KIRREL3: variants seen among roughly 807,000 people sequenced by gnomAD.
KIRREL3 encodes the protein kin of IRRE-like protein 3.
In KIRREL3, 36 loss-of-function variants were observed where a neutral mutation model predicts 89.7. The ratio of observed to expected loss-of-function variants is 0.40; its 90% CI spans 0.31 to 0.53. The LOEUF (loss-of-function observed/expected upper bound fraction) is 0.53. Among genes scored for constraint, KIRREL3 ranks in the 20% least tolerant of loss-of-function variants. The probability of loss-of-function intolerance (pLI) is 0.49; values close to 1 mark genes in which losing one functional copy is unlikely to be tolerated. For missense variants in KIRREL3, 864 were observed against 1,056.6 expected, an observed-to-expected ratio of 0.82 and a Z score of 2.53; for synonymous variants, 445 against 441.4, an observed-to-expected ratio of 1.01 and a Z score of -0.10.
chr11:126,563,057 G>A lies in KIRREL3; in HGVS notation c.56-145C>T, dbSNP rs1200502723. The A allele has an allele frequency of 9.2e-6, 5 of 544,210 alleles. No individual in the cohort carries two copies. Among genetic ancestry groups the A allele is most frequent in the African/African-American group, 1.9e-5 (1 of 52,466 alleles). The allele number at this position is 544,210 out of a possible 1,614,324, so 33.7% of individuals were successfully genotyped here. ...CCAACATTTATATGGAAATTGTTATGTTCCAGGCATAAGTTTAAGCCAGCA... is the reference window on the plus strand; with the variant it reads ...CCAACATTTATATGGAAATTGTTATATTCCAGGCATAAGTTTAAGCCAGCA... On this transcript the variant is annotated intron_variant, in intron 1 of 16. Coordinates refer to ENST00000525144, the MANE Select transcript of KIRREL3 (RefSeq NM_032531.4). The surrounding 1 kb of genome is among the most constrained non-coding windows in gnomAD (Gnocchi z 6.8).
At chr11:126,820,878 C>G (rs2134452417) in intron 1 of KIRREL3, among the ~76,000 whole-genome samples, 1 of 152,248 alleles carries the variant, frequency 6.6e-6, no homozygotes, top group Non-Finnish European at 1.5e-5. Context: ...GAGACATTGA[C>G]AGCTACCTTG....
chr11:126,597,082 T>C (rs1027630531), intron 1 of KIRREL3, among the ~76,000 whole-genome samples: 24 of 152,220 alleles, frequency 1.6e-4, no homozygotes, highest in African/African-American at 5.8e-4. Context: ...TGATTTACAC[T>C]AGCCATCACC....
rs1193439584 is a variant in KIRREL3, at chr11:126,736,931, T to TA, written c.56-174020dup. Among the ~76,000 whole-genome samples, 1 of 152,176 alleles carries TA rather than the reference T, an allele frequency of 6.6e-6. No individual in the cohort carries two copies. The highest frequency in any genetic ancestry group is 1.5e-5 in the Non-Finnish European group (1 of 68,028). On this transcript the variant is annotated intron_variant, in intron 1 of 16. Transcript: ENST00000525144. This position sits in a 1 kb window ranked among gnomAD's most constrained non-coding sequence, Gnocchi z 5.0. ...AAGCATGGTGTGGAAAGGTCCTACT[T>TA]AGTTTTCCAGGGAGCCAGCAATTGG...
At position 126,948,249 on chromosome 11, in the gene KIRREL3, G is replaced by A. The variant is rs78063574; in HGVS notation, c.55+52206C>T. On this transcript the variant is annotated intron_variant, in intron 1 of 16. Coordinates refer to ENST00000525144, the MANE Select transcript of KIRREL3 (RefSeq NM_032531.4). The surrounding 1 kb of genome is among the most constrained non-coding windows in gnomAD (Gnocchi z 4.5). ...AAACCAATTCTATATTATTGAAATT[G>A]TACTTGATAATGAAAAAGTTGGTCA... Among the ~76,000 whole-genome samples the A allele has an allele frequency of 0.013, 2,033 of 151,930 alleles. 56 individuals are homozygous for A. The highest frequency in any genetic ancestry group is 0.12 in the East Asian group (602 of 5,158).
intron 1 of KIRREL3, among the ~76,000 whole-genome samples, chr11:126,626,015 C>T (rs1266352921): frequency 6.6e-6 from 1 of 152,220 alleles, no homozygotes; most frequent in Non-Finnish European, 1.5e-5. Flanking sequence ...TGTTGGCATG[C>T]AGTAAGTGTA....
At chr11:126,726,350 G>T (rs996427592) in intron 1 of KIRREL3, among the ~76,000 whole-genome samples, 1 of 152,068 alleles carries the variant, frequency 6.6e-6, no homozygotes, top group African/African-American at 2.4e-5. Context: ...TTATGAAAAA[G>T]TCTGAACTAC....
rs55838363 is a variant in KIRREL3, at chr11:126,521,676, ATGTGTGTGTGTGTGTGTGTGTGTGTGTG to A, written c.284-240_284-213del. Among the ~76,000 whole-genome samples the A allele has an allele frequency of 9.1e-5, 13 of 143,618 alleles. No individual in the cohort carries two copies. The highest frequency in any genetic ancestry group is 6.3e-4 in the East Asian group (3 of 4,732). 94.2% of individuals were successfully genotyped at this position (143,618 alleles called of 152,430 possible). ...GTTGGTTCTCTCTCTCTCTCTCTGT[ATGTGTGTGTGTGTGTGTGTGTGTGTGTG>A]TGTGTGTGTGTGTGTGTGTGTGTGT... On this transcript the variant is annotated intron_variant, in intron 3 of 16. Coordinates refer to ENST00000525144, the MANE Select transcript of KIRREL3 (RefSeq NM_032531.4). This position sits in a 1 kb window ranked among gnomAD's most constrained non-coding sequence, Gnocchi z 4.1.
At chr11:126,826,476 A>C (rs1943417043) in intron 1 of KIRREL3, among the ~76,000 whole-genome samples, 1 of 152,040 alleles carries the variant, frequency 6.6e-6, no homozygotes, top group South Asian at 2.1e-4. Flanking sequence ...TGGCCTTCAG[A>C]GCATCATTCT....
At chr11:126,967,436 T>C (rs1949303325) in intron 1 of KIRREL3, among the ~76,000 whole-genome samples, 1 of 152,160 alleles carries the variant, frequency 6.6e-6, no homozygotes, top group Admixed American at 6.5e-5. Flanking sequence ...GCCTCCAAAC[T>C]GCAGCCTTTC....
Position 126,729,216 on chromosome 11 carries a change from C to A in KIRREL3, c.56-166304G>T, listed in dbSNP as rs1422188232. On this transcript the variant is annotated intron_variant, in intron 1 of 16. Coordinates refer to ENST00000525144, the MANE Select transcript of KIRREL3 (RefSeq NM_032531.4). This position sits in a 1 kb window ranked among gnomAD's most constrained non-coding sequence, Gnocchi z 4.5. Reference sequence around the variant, plus strand: ...TAAGAGGTCATGAAGAAGGACAGACCCAGTAGACTGTGGCTCAGCCTTTCT... The same window carrying A: ...TAAGAGGTCATGAAGAAGGACAGACACAGTAGACTGTGGCTCAGCCTTTCT... Among the ~76,000 whole-genome samples, 1 of 152,152 alleles carries A rather than the reference C, an allele frequency of 6.6e-6. No individual in the cohort carries two copies. Among genetic ancestry groups the A allele is most frequent in the East Asian group, 1.9e-4 (1 of 5,186 alleles).
At position 126,995,581 on chromosome 11, in the gene KIRREL3, T is replaced by C. The variant is rs1950160050; in HGVS notation, c.55+4874A>G. On this transcript the variant is annotated intron_variant, in intron 1 of 16. Coordinates refer to ENST00000525144, the MANE Select transcript of KIRREL3 (RefSeq NM_032531.4). The surrounding 1 kb of genome is among the most constrained non-coding windows in gnomAD (Gnocchi z 6.5). ...ATCAAGACCATAAAACCAGTGCTTT[T>C]GGCCCTCCTCCTCACTCCTCCAGTA... The C allele has an allele frequency of 6.4e-6, 2 of 313,014 alleles. No individual in the cohort carries two copies. Among genetic ancestry groups the C allele is most frequent in the East Asian group, 8.5e-5 (1 of 11,820 alleles). 19.4% of individuals were successfully genotyped at this position (313,014 alleles called of 1,614,324 possible).
At chr11:126,532,893 T>TAA (rs1243028436) in intron 2 of KIRREL3, among the ~76,000 whole-genome samples, 1 of 151,588 alleles carries the variant, frequency 6.6e-6, no homozygotes, top group African/African-American at 2.4e-5. Flanking sequence ...CTATTTAATA[T>TAA]AATTATATTA....
chr11:126,509,991 C>CAAAAAAAAAAAAAA (rs58061522), intron 4 of KIRREL3, among the ~76,000 whole-genome samples: 15 of 62,044 alleles, frequency 2.4e-4, no homozygotes, highest in African/African-American at 3.8e-4. Flanking sequence ...GACTCCGTCT[C>CAAAAAAAAAAAAAA]AAAAAAAAAA....
chr11:126,442,536 G>A (rs1375530886), intron 10 of KIRREL3, among the ~76,000 whole-genome samples: 3 of 152,200 alleles, frequency 2.0e-5, no homozygotes, highest in East Asian at 3.9e-4. Flanking sequence ...GAGCCAAATC[G>A]GTTGAGGTGT....
At chr11:126,698,204 T>C (rs1947175597) in intron 1 of KIRREL3, among the ~76,000 whole-genome samples, 1 of 152,190 alleles carries the variant, frequency 6.6e-6, no homozygotes, top group Admixed American at 6.5e-5. Flanking sequence ...CACCATTCCA[T>C]CTGTCTATCA....
Position 126,541,923 on chromosome 11 carries a change from A to G in KIRREL3, c.134-15236T>C, listed in dbSNP as rs541471911. On this transcript the variant is annotated intron_variant, in intron 2 of 16. Coordinates refer to ENST00000525144, the MANE Select transcript of KIRREL3 (RefSeq NM_032531.4). The surrounding 1 kb of genome is among the most constrained non-coding windows in gnomAD (Gnocchi z 4.8). ...GTTCATGCAACCCTTTTTGTCAGTG[A>G]AGTCTCACAGGGAATCCCAGTGTAT... Among the ~76,000 whole-genome samples the G allele has an allele frequency of 6.6e-6, 1 of 152,296 alleles. No individual in the cohort carries two copies. The highest frequency in any genetic ancestry group is 2.4e-5 in the African/African-American group (1 of 41,566).
chr11:126,734,099 A>G lies in KIRREL3; in HGVS notation c.56-171187T>C, dbSNP rs1254137479. Reference sequence around the variant, plus strand: ...CCAGAACTACTGAGGCAGAAGCTGCATTAGAACAAGATCCCTAGGTGGTTT... The same window carrying G: ...CCAGAACTACTGAGGCAGAAGCTGCGTTAGAACAAGATCCCTAGGTGGTTT... On this transcript the variant is annotated intron_variant, in intron 1 of 16. Coordinates refer to ENST00000525144, the MANE Select transcript of KIRREL3 (RefSeq NM_032531.4). The surrounding 1 kb of genome is among the most constrained non-coding windows in gnomAD (Gnocchi z 5.9). 3.3e-5 allele frequency among the ~76,000 whole-genome samples: 5 copies of G among 152,214 alleles called. No homozygotes were observed. The highest frequency in any genetic ancestry group is 1.2e-4 in the African/African-American group (5 of 41,454).
Position 126,723,828 on chromosome 11 carries a change from A to G in KIRREL3, c.56-160916T>C, listed in dbSNP as rs189796604. On this transcript the variant is annotated intron_variant, in intron 1 of 16. Coordinates refer to ENST00000525144, the MANE Select transcript of KIRREL3 (RefSeq NM_032531.4). The surrounding 1 kb of genome is among the most constrained non-coding windows in gnomAD (Gnocchi z 4.0). ...TCTTTGTGACTCAGAACTTTGGAAA[A>G]AGTCCAACGAGCAACAAAATACTCA... Among the ~76,000 whole-genome samples, 298 of 152,352 alleles carry G rather than the reference A, an allele frequency of 2.0e-3. 1 individual carries two copies. Among genetic ancestry groups the G allele is most frequent in the South Asian group, 0.015 (73 of 4,826 alleles).
At chr11:126,732,502 A>C (rs143247892) in intron 1 of KIRREL3, among the ~76,000 whole-genome samples, 1 of 152,324 alleles carries the variant, frequency 6.6e-6, no homozygotes, top group Non-Finnish European at 1.5e-5. Context: ...GACGTTTTCT[A>C]CTAAGCAAGT....
Sources: allele counts gnomAD v4.1 joint callset (sites outside exome capture counted in the v4.1 genomes callset), GRCh38; gene constraint gnomAD v4.1.1; non-coding constraint Gnocchi (gnomAD v3.1); transcripts MANE v1.5; gene names NCBI Gene and HGNC (gene_info 2026-07-23, HGNC 2026-07-21).